Variants in CNKSR2 observed in about 807,000 individuals in gnomAD.
The protein encoded by CNKSR2 is connector enhancer of kinase suppressor of Ras 2, also known as CNK homolog protein 2.
CNKSR2 carries 14 observed loss-of-function variants against 84.4 expected under a neutral mutation model. The ratio of observed to expected loss-of-function variants is 0.17; its 90% CI spans 0.11 to 0.26. The LOEUF (loss-of-function observed/expected upper bound fraction) is 0.26, where lower values mean the gene tolerates loss of function less well. Ranked by LOEUF, CNKSR2 falls within the 10% of genes least tolerant of loss-of-function variation. The pLI, the probability that CNKSR2 is intolerant of heterozygous loss-of-function variation, is 1.00. For synonymous variants in CNKSR2, 275 were observed against 277.9 expected (o/e 0.99, Z 0.10); for missense variants, 485 against 771.2 (o/e 0.63, Z 4.40).
chrX:21,545,286 C>T (rs1278235596), intron 11 of CNKSR2, among the ~76,000 whole-genome samples: 4 of 111,968 alleles, frequency 3.6e-5, no homozygotes, highest in Non-Finnish European at 7.5e-5. Context: ...TCGAACTGGG[C>T]GGAGCCCACC....
intron 20 of CNKSR2, among the ~76,000 whole-genome samples, chrX:21,633,956 G>A (rs1379953894): frequency 1.8e-5 from 2 of 112,181 alleles, no homozygotes; most frequent in Non-Finnish European, 3.8e-5. Context: ...AGCTAAGATT[G>A]AATATGAAAA....
At chrX:21,558,694 C>T (rs746736944) in intron 11 of CNKSR2, among the ~76,000 whole-genome samples, 30 of 110,895 alleles carry the variant, frequency 2.7e-4, no homozygotes, top group Non-Finnish European at 4.7e-4. Flanking sequence ...TCAGAGATGA[C>T]GCAAAATATA....
At chrX:21,533,011 T>A (rs1402082221) in intron 11 of CNKSR2, among the ~76,000 whole-genome samples, 1 of 111,125 alleles carries the variant, frequency 9.0e-6, no homozygotes, top group African/African-American at 3.3e-5. Flanking sequence ...CATATCTTCA[T>A]ATACATGTCT....
At chrX:21,622,069 C>A (rs7879309) in intron 20 of CNKSR2, among the ~76,000 whole-genome samples, 48 of 110,572 alleles carry the variant, frequency 4.3e-4, no homozygotes, top group African/African-American at 1.5e-3. Flanking sequence ...TTTAAAGGAA[C>A]CACAGAGTGG....
At chrX:21,499,034 CAT>C (rs757742244) in intron 7 of CNKSR2, among the ~76,000 whole-genome samples, 12 of 111,521 alleles carry the variant, frequency 1.1e-4, no homozygotes, top group African/African-American at 3.9e-4. Flanking sequence ...AAAGGTGAAA[CAT>C]ATATATTTGC....
At chrX:21,391,573 C>T (rs974715179) in intron 1 of CNKSR2, among the ~76,000 whole-genome samples, 2 of 111,915 alleles carry the variant, frequency 1.8e-5, no homozygotes, top group Non-Finnish European at 3.8e-5. Flanking sequence ...TTGTACAGGG[C>T]AGCCAGGCTC....
rs190751147 is a variant in CNKSR2, at chrX:21,432,749, C to T, written c.366C>T (p.Asn122=). The T allele has an allele frequency of 1.1e-5, 13 of 1,208,954 alleles. No individual in the cohort carries two copies. Among genetic ancestry groups the T allele is most frequent in the East Asian group, 3.0e-5 (1 of 33,678 alleles). Reference sequence around the variant, plus strand: ...GGAGGACCAGCCGAAAATTGCCAAACGACTTTCTGACCTCAGTTGTGGATC... The same window carrying T: ...GGAGGACCAGCCGAAAATTGCCAAATGACTTTCTGACCTCAGTTGTGGATC... The part of the protein sequence containing the change: ...YDGRTSRKLP[N]DFLTSVVDLI... The change falls in exon 3 of 22, where the codon AAC becomes AAT. Residue 122 remains asparagine (N), a synonymous_variant. Coordinates refer to ENST00000379510, the MANE Select transcript of CNKSR2 (RefSeq NM_014927.5).
intron 5 of CNKSR2, among the ~76,000 whole-genome samples, chrX:21,479,423 G>T (rs550848726): frequency 9.0e-6 from 1 of 111,410 alleles, no homozygotes; most frequent in South Asian, 3.8e-4. Context: ...CCTTTGGGTA[G>T]ATACCCAGTA....
At chrX:21,432,532 A>C in intron 2 of CNKSR2, 80 bp from the exon 3 acceptor site, 1 of 710,890 alleles carries the variant, frequency 1.4e-6, no homozygotes, top group Non-Finnish European at 2.2e-6. Context: ...TTGCCTGTGC[A>C]TAATAAAGTA....
chrX:21,521,719 A>G (rs2091785877), intron 9 of CNKSR2, among the ~76,000 whole-genome samples: 2 of 110,710 alleles, frequency 1.8e-5, no homozygotes, highest in South Asian at 3.8e-4. Flanking sequence ...TGTTTTAGGC[A>G]TATATATCTG....
chrX:21,398,670 G>A (rs1023360075), intron 1 of CNKSR2, among the ~76,000 whole-genome samples: 2 of 111,684 alleles, frequency 1.8e-5, no homozygotes, highest in African/African-American at 6.5e-5. Flanking sequence ...CAGCCGCCTG[G>A]GCTCTTCATG....
At position 21,528,259 on chromosome X, in the gene CNKSR2, A is replaced by G. The variant is rs149658884; in HGVS notation, c.1091+1259A>G. Among the ~76,000 whole-genome samples, 1,040 of 111,337 alleles carry G rather than the reference A, an allele frequency of 9.3e-3. 2 individuals carry two copies. The highest frequency in any genetic ancestry group is 0.016 in the Non-Finnish European group (821 of 52,738). On this transcript the variant is annotated intron_variant, in intron 10 of 21. Coordinates refer to ENST00000379510, the MANE Select transcript of CNKSR2 (RefSeq NM_014927.5). Reference sequence around the variant, plus strand: ...TGTCAGATTTTCCACATATGCTTGCATGAGGAACAATGAAAGTATGTGTGT... The same window carrying G: ...TGTCAGATTTTCCACATATGCTTGCGTGAGGAACAATGAAAGTATGTGTGT...
chrX:21,652,380 A>G lies in CNKSR2; in HGVS notation c.2964A>G (p.Gln988=), dbSNP rs766126278. 1.7e-6 allele frequency: 2 copies of G among 1,209,586 alleles called. No homozygotes were observed. Among genetic ancestry groups the G allele is most frequent in the Non-Finnish European group, 2.2e-6 (2 of 893,294 alleles). ...NPDLTSKEFQ[Q]WKQMYLDLFL... is the part of the protein sequence containing the mutation. ...ACTTGACATCTAAAGAATTCCAACA[A>G]TGGAAGCAGATGTACCTCGACCTTT... The change falls in exon 22 of 22, where the codon CAA becomes CAG. Residue 988 remains glutamine (Q), a synonymous_variant. Transcript: ENST00000379510.
intron 5 of CNKSR2, among the ~76,000 whole-genome samples, chrX:21,489,675 T>G (rs1306594244): frequency 8.9e-6 from 1 of 112,389 alleles, no homozygotes; most frequent in Non-Finnish European, 1.9e-5. Context: ...GGATTTATCC[T>G]GACAAAAGCA....
At chrX:21,435,198 C>T (rs1035970101) in intron 3 of CNKSR2, among the ~76,000 whole-genome samples, 2 of 110,049 alleles carry the variant, frequency 1.8e-5, no homozygotes, top group African/African-American at 6.6e-5. Flanking sequence ...CATAGAACTT[C>T]ATTTATAGAA....
At chrX:21,400,042 A>G (rs1056156502) in intron 1 of CNKSR2, among the ~76,000 whole-genome samples, 7 of 110,963 alleles carry the variant, frequency 6.3e-5, no homozygotes, top group Admixed American at 3.9e-4. Flanking sequence ...CCACCTATAA[A>G]GAAGAGTTGT....
At chrX:21,412,233 G>C (rs983439221) in intron 1 of CNKSR2, among the ~76,000 whole-genome samples, 1 of 111,771 alleles carries the variant, frequency 8.9e-6, no homozygotes, top group African/African-American at 3.2e-5. Flanking sequence ...CTCCAGCATT[G>C]TTCTCATTAC....
intron 4 of CNKSR2, among the ~76,000 whole-genome samples, chrX:21,442,868 G>A (rs962447067): frequency 1.8e-5 from 2 of 111,200 alleles, no homozygotes; most frequent in Non-Finnish European, 3.8e-5. Context: ...ATGGAGCTTG[G>A]AGGTCATTAT....
intron 1 of CNKSR2, among the ~76,000 whole-genome samples, chrX:21,404,364 A>T (rs1388103053): frequency 9.0e-6 from 1 of 111,205 alleles, no homozygotes; most frequent in Non-Finnish European, 1.9e-5. Context: ...TTTTGTGGCT[A>T]CTCGTTGTAT....
Sources: gnomAD v4.1 joint callset for allele counts (sites outside exome capture counted in the v4.1 genomes callset) on GRCh38, gnomAD v4.1.1 for gene constraint, MANE v1.5 for transcripts, NCBI Gene and HGNC (gene_info 2026-07-23, HGNC 2026-07-21) for gene names.